DOCK1: variants seen among roughly 807,000 people sequenced by gnomAD.
DOCK1 encodes the protein dedicator of cytokinesis 1.
Under a neutral mutation model 262.7 loss-of-function variants are expected in DOCK1, and 138 were observed. The observed-to-expected ratio is 0.53, with a 90% CI of 0.46 to 0.61. The LOEUF (loss-of-function observed/expected upper bound fraction) is 0.61, where lower values mean the gene tolerates loss of function less well. DOCK1 is among the 20% of genes least tolerant of loss of function. The pLI is 0.00. For missense variants in DOCK1, 1,908 were observed against 2,370.7 expected (o/e 0.80, Z 4.05); for synonymous variants, 866 against 867.4 (o/e 1.00, Z 0.03).
chr10:127,357,739 T>G (rs1046078482), intron 32 of DOCK1, among the ~76,000 whole-genome samples: 10 of 152,142 alleles, frequency 6.6e-5, no homozygotes, highest in African/African-American at 2.2e-4. Context: ...GAAGTAACAG[T>G]CAGCCACCAG....
intron 30 of DOCK1, among the ~76,000 whole-genome samples, chr10:127,342,800 C>G (rs2063490221): frequency 2.0e-5 from 3 of 151,934 alleles, no homozygotes; most frequent in Admixed American, 6.6e-5. Context: ...GTCCATAAAC[C>G]CTTGAAATAT....
At chr10:127,296,255 A>G (rs1278995354) in intron 29 of DOCK1, among the ~76,000 whole-genome samples, 1 of 152,222 alleles carries the variant, frequency 6.6e-6, no homozygotes, top group Non-Finnish European at 1.5e-5. Context: ...CAATGCAACA[A>G]AGCATCACAG....
At chr10:127,355,550 G>A (rs1389278278) in intron 32 of DOCK1, among the ~76,000 whole-genome samples, 1 of 152,186 alleles carries the variant, frequency 6.6e-6, no homozygotes, top group Non-Finnish European at 1.5e-5. Flanking sequence ...TCTGCCCCAG[G>A]ATCTCCAGGC....
At chr10:127,246,682 C>T (rs78831877) in intron 27 of DOCK1, among the ~76,000 whole-genome samples, 4,212 of 152,246 alleles carry the variant, frequency 0.028, 205 homozygotes, top group African/African-American at 0.094. Context: ...TTGAGTAATG[C>T]GTCCTTCGAG....
chr10:127,350,526 G>A (rs2063834908), intron 31 of DOCK1, among the ~76,000 whole-genome samples: 1 of 152,164 alleles, frequency 6.6e-6, no homozygotes, highest in African/African-American at 2.4e-5. Context: ...GCCAAGCTGA[G>A]CCCACTGTTA....
At chr10:127,056,489 C>T (rs573543938) in intron 22 of DOCK1, among the ~76,000 whole-genome samples, 29 of 152,174 alleles carry the variant, frequency 1.9e-4, no homozygotes, top group Non-Finnish European at 3.7e-4. Context: ...AGCCCCTGTA[C>T]CCCACTGATT....
At chr10:127,214,680 C>T (rs1313696377) in intron 27 of DOCK1, among the ~76,000 whole-genome samples, 1 of 152,096 alleles carries the variant, frequency 6.6e-6, no homozygotes, top group Non-Finnish European at 1.5e-5. Flanking sequence ...TGCGGGAGAG[C>T]GCCTCCAGGA....
intron 51 of DOCK1, among the ~76,000 whole-genome samples, 198 bp downstream of exon 51, chr10:127,447,743 C>T (rs1239738101): frequency 1.3e-5 from 2 of 152,142 alleles, no homozygotes; most frequent in East Asian, 1.9e-4. Flanking sequence ...TGTGGCTCTG[C>T]GTCATTATCA....
intron 28 of DOCK1, among the ~76,000 whole-genome samples, chr10:127,253,445 A>G (rs1215440733): frequency 2.6e-5 from 4 of 152,154 alleles, no homozygotes; most frequent in Admixed American, 2.0e-4. Context: ...TTCTGACACC[A>G]TCTACCTGGA....
At chr10:127,409,256 C>T (rs996234516) in intron 41 of DOCK1, 57 bp from the exon 42 acceptor site, 6 of 1,611,786 alleles carry the variant, frequency 3.7e-6, no homozygotes, top group African/African-American at 1.3e-5. Flanking sequence ...TGGTGGGGGG[C>T]CTCTCTCATG....
chr10:127,168,723 A>T (rs1367060127), intron 27 of DOCK1, among the ~76,000 whole-genome samples: 1 of 152,206 alleles, frequency 6.6e-6, no homozygotes, highest in Non-Finnish European at 1.5e-5. Context: ...CACTGTGCCC[A>T]GCTTTCCCCT....
intron 29 of DOCK1, among the ~76,000 whole-genome samples, chr10:127,260,792 T>C (rs1226819806): frequency 2.5e-5 from 3 of 118,934 alleles, no homozygotes; most frequent in Non-Finnish European, 5.3e-5. Context: ...TGTGTGTGTG[T>C]ACCCGTGCTC....
intron 27 of DOCK1, among the ~76,000 whole-genome samples, chr10:127,168,829 G>C (rs950785148): frequency 5.3e-5 from 8 of 152,154 alleles, no homozygotes; most frequent in African/African-American, 1.7e-4. Flanking sequence ...TGCTGCAGCG[G>C]TGCACAATTT....
intron 1 of DOCK1, among the ~76,000 whole-genome samples, chr10:126,935,604 C>T (rs1216987411): frequency 2.6e-5 from 4 of 152,234 alleles, no homozygotes; most frequent in Non-Finnish European, 5.9e-5. Flanking sequence ...GCAGCTCTTC[C>T]TTCCTTCCGC....
chr10:127,302,465 A>G (rs1178846167), intron 29 of DOCK1, among the ~76,000 whole-genome samples: 2 of 152,124 alleles, frequency 1.3e-5, no homozygotes, highest in Admixed American at 1.3e-4. Flanking sequence ...CATCCCAGTG[A>G]AAGCTATGGT....
intron 29 of DOCK1, among the ~76,000 whole-genome samples, chr10:127,260,450 T>A (rs953322820): frequency 1.3e-5 from 2 of 152,208 alleles, no homozygotes; most frequent in African/African-American, 4.8e-5. Context: ...TCCCTACAGT[T>A]TATTTTCTGT....
At chr10:127,072,495 A>G (rs1347253521) in intron 23 of DOCK1, among the ~76,000 whole-genome samples, 2 of 152,248 alleles carry the variant, frequency 1.3e-5, no homozygotes, top group African/African-American at 2.4e-5. Flanking sequence ...AAGAAAAAGT[A>G]AAGGTCAGGG....
At chr10:127,367,797 C>T (rs1269478929) in intron 33 of DOCK1, among the ~76,000 whole-genome samples, 1 of 152,218 alleles carries the variant, frequency 6.6e-6, no homozygotes, top group Non-Finnish European at 1.5e-5. Flanking sequence ...AATCTCACAC[C>T]TCTCTGCCAT....
At chr10:127,401,569 T>C (rs1442533987) in intron 38 of DOCK1, among the ~76,000 whole-genome samples, 1 of 152,044 alleles carries the variant, frequency 6.6e-6, no homozygotes, top group African/African-American at 2.4e-5. Context: ...CCAGTTAAAC[T>C]CCGCCATTTT....
Sources: allele counts gnomAD v4.1 joint callset (sites outside exome capture counted in the v4.1 genomes callset), GRCh38; gene constraint gnomAD v4.1.1; transcripts MANE v1.5; gene names NCBI Gene and HGNC (gene_info 2026-07-23, HGNC 2026-07-21).